NXPH1: variants seen among roughly 807,000 people sequenced by gnomAD.
The protein encoded by NXPH1 is neurexophilin 1, also known as neurexophilin-1.
Under a neutral mutation model 23.7 loss-of-function variants are expected in NXPH1, and 5 were observed. The observed-to-expected ratio is 0.21, with a 90% confidence interval of 0.11 to 0.44. The LOEUF (loss-of-function observed/expected upper bound fraction) is 0.44, where lower values mean the gene tolerates loss of function less well. Ranked by LOEUF, NXPH1 falls within the 20% of genes least tolerant of loss-of-function variation. The pLI is 0.99. For synonymous variants in NXPH1, 144 were observed against 122.2 expected (o/e 1.18, Z -1.18); for missense variants, 324 against 321.6 (o/e 1.01, Z -0.06).
In NXPH1 at chr7:8,497,897, G is replaced by T. The variant is rs186656428; in HGVS notation, c.54+62130G>T. On this transcript the variant is annotated intron_variant, in intron 2 of 2. Transcript: ENST00000405863. ...ATCCCATTTGTCAATTTTGGATTTT[G>T]TTGCCATTGCTTTGGTGTTTTAGTC... is the stretch of plus-strand genomic sequence containing the variant. Among the ~76,000 whole-genome samples the T allele has an allele frequency of 8.0e-4, 121 of 152,174 alleles. 1 individual carries two copies. Among genetic ancestry groups the T allele is most frequent in the African/African-American group, 2.6e-3 (110 of 41,552 alleles).
At chr7:8,652,621 C>T (rs1820507623) in intron 2 of NXPH1, among the ~76,000 whole-genome samples, 5 of 152,132 alleles carry the variant, frequency 3.3e-5, no homozygotes, top group Admixed American at 2.0e-4. Context: ...TGGAGTTTAG[C>T]AATAAACAAG....
intron 2 of NXPH1, among the ~76,000 whole-genome samples, chr7:8,571,881 T>TAA (rs5882176): frequency 9.9e-5 from 14 of 141,512 alleles, no homozygotes; most frequent in Non-Finnish European, 1.4e-4. Flanking sequence ...GTGGACTTGT[T>TAA]AAAAAAAAAA....
At chr7:8,704,155 A>G (rs940544118) in intron 2 of NXPH1, among the ~76,000 whole-genome samples, 2 of 152,056 alleles carry the variant, frequency 1.3e-5, no homozygotes, top group Non-Finnish European at 1.5e-5. Flanking sequence ...TAGTTTGTTT[A>G]GTATTTTAGT....
At chr7:8,639,939 T>C (rs76751381) in intron 2 of NXPH1, among the ~76,000 whole-genome samples, 7,250 of 152,300 alleles carry the variant, frequency 0.048, 380 homozygotes, top group East Asian at 0.17. Context: ...ATGTTGTTAT[T>C]AGCAGCATGA....
chr7:8,708,745 A>T (rs764050038), intron 2 of NXPH1, among the ~76,000 whole-genome samples: 37 of 152,154 alleles, frequency 2.4e-4, no homozygotes, highest in African/African-American at 6.8e-4. Context: ...TGCTATTATC[A>T]TACTATGAAG....
At chr7:8,672,094 T>C (rs1820877593) in intron 2 of NXPH1, among the ~76,000 whole-genome samples, 1 of 152,322 alleles carries the variant, frequency 6.6e-6, no homozygotes, top group East Asian at 1.9e-4. Context: ...GTAGAAGCTC[T>C]TTAGTTTAAT....
intron 2 of NXPH1, among the ~76,000 whole-genome samples, chr7:8,535,683 G>T (rs942638536): frequency 1.3e-5 from 2 of 151,866 alleles, no homozygotes; most frequent in Non-Finnish European, 2.9e-5. Flanking sequence ...ATAAAGCAAG[G>T]TAAGAAGAAA....
In NXPH1 at chr7:8,622,607, T is replaced by C. The variant is rs150616204; in HGVS notation, c.55-128401T>C. ...CGAGGGATAATTTGACAAAGTTAAG[T>C]CTCATTCAAACTGAAAGTTTGAATT... On this transcript the variant is annotated intron_variant, in intron 2 of 2. Coordinates refer to ENST00000405863, the MANE Select transcript of NXPH1 (RefSeq NM_152745.3). Among the ~76,000 whole-genome samples the C allele has an allele frequency of 7.8e-3, 1,181 of 152,298 alleles. 13 individuals are homozygous for C. Among genetic ancestry groups the C allele is most frequent in the Middle Eastern group, 0.044 (13 of 294 alleles).
At chr7:8,620,684 A>G (rs1365269538) in intron 2 of NXPH1, among the ~76,000 whole-genome samples, 2 of 152,228 alleles carry the variant, frequency 1.3e-5, no homozygotes, top group Non-Finnish European at 2.9e-5. Flanking sequence ...AAAAAGCTGA[A>G]GCTAATTCTA....
At chr7:8,532,260 G>A (rs1817958989) in intron 2 of NXPH1, among the ~76,000 whole-genome samples, 2 of 152,066 alleles carry the variant, frequency 1.3e-5, no homozygotes, top group African/African-American at 4.8e-5. Context: ...TAGCTGCAAA[G>A]CAGTATTGAT....
At chr7:8,587,453 T>C (rs1362542288) in intron 2 of NXPH1, among the ~76,000 whole-genome samples, 1 of 152,098 alleles carries the variant, frequency 6.6e-6, no homozygotes, top group African/African-American at 2.4e-5. Flanking sequence ...GCTGGGACTA[T>C]AGGTGCATGC....
chr7:8,629,042 A>G (rs1232535701), intron 2 of NXPH1, among the ~76,000 whole-genome samples: 2 of 151,592 alleles, frequency 1.3e-5, no homozygotes, highest in Non-Finnish European at 2.9e-5. Context: ...AAAGAAGGAG[A>G]AAGATAAGAA....
At position 8,751,432 on chromosome 7, in the gene NXPH1, A is replaced by C; in HGVS notation, c.479A>C (p.Gln160Pro). Residue 160 changes from glutamine to proline, a missense_variant, in exon 3 of 3, where the codon CAA becomes CCA. By Grantham distance (76) the Gln-to-Pro change is moderately conservative (BLOSUM62 -1). Coordinates refer to ENST00000405863, the MANE Select transcript of NXPH1 (RefSeq NM_152745.3). The surrounding 1 kb of genome is among the most constrained non-coding windows in gnomAD (Gnocchi z 4.5). ...SVYFRHNSTG[Q>P]GNVSVSLVPP... ...TATTTCAGGCATAATTCAACTGGTCAAGGGAATGTATCTGTCAGCTTGGTA... is the reference window on the plus strand; with the variant it reads ...TATTTCAGGCATAATTCAACTGGTCCAGGGAATGTATCTGTCAGCTTGGTA... 1 of 1,613,880 alleles carries C rather than the reference A, an allele frequency of 6.2e-7. No individual in the cohort carries two copies. Among genetic ancestry groups the C allele is most frequent in the Non-Finnish European group, 8.5e-7 (1 of 1,179,844 alleles).
At position 8,435,893 on chromosome 7, in the gene NXPH1, G is replaced by A; in HGVS notation, c.54+126G>A. On this transcript the variant is annotated intron_variant, in intron 2 of 2. Coordinates refer to ENST00000405863, the MANE Select transcript of NXPH1 (RefSeq NM_152745.3). The surrounding 1 kb of genome is among the most constrained non-coding windows in gnomAD (Gnocchi z 5.9). The stretch of plus-strand genomic sequence containing the variant: ...GAGCAGCTTCCTAGCAGCTGTGTTG[G>A]AGCAACTTTGGCAAGCTGGTCTCTG... The A allele has an allele frequency of 1.1e-6, 1 of 908,476 alleles. No individual in the cohort carries two copies. The highest frequency in any genetic ancestry group is 1.8e-6 in the Non-Finnish European group (1 of 546,780). The allele number at this position is 908,476 out of a possible 1,614,324, so 56.3% of individuals were successfully genotyped here.
chr7:8,527,162 A>C (rs1817874950), intron 2 of NXPH1, among the ~76,000 whole-genome samples: 1 of 152,158 alleles, frequency 6.6e-6, no homozygotes, highest in Non-Finnish European at 1.5e-5. Context: ...ACTGACATTG[A>C]GTAGGAGAAG....
chr7:8,450,846 T>A (rs997487855), intron 2 of NXPH1, among the ~76,000 whole-genome samples: 2 of 152,244 alleles, frequency 1.3e-5, no homozygotes, highest in Non-Finnish European at 2.9e-5. Context: ...TAGATAATAA[T>A]GTGTTCTATT....
chr7:8,465,401 A>C (rs748727472), intron 2 of NXPH1, among the ~76,000 whole-genome samples: 3 of 152,106 alleles, frequency 2.0e-5, no homozygotes, highest in Non-Finnish European at 4.4e-5. Context: ...ATTACCTTTT[A>C]TAAGGCCTCT....
At chr7:8,720,186 T>C (rs2115205912) in intron 2 of NXPH1, among the ~76,000 whole-genome samples, 1 of 152,350 alleles carries the variant, frequency 6.6e-6, no homozygotes, top group East Asian at 1.9e-4. Flanking sequence ...TTCAATGAAC[T>C]GAATCACCAA....
chr7:8,612,598 C>A (rs1394300736), intron 2 of NXPH1, among the ~76,000 whole-genome samples: 1 of 152,006 alleles, frequency 6.6e-6, no homozygotes, highest in Non-Finnish European at 1.5e-5. Flanking sequence ...CTAACATTGC[C>A]TTTTGCTTCT....
Sources: allele counts gnomAD v4.1 joint callset (sites outside exome capture counted in the v4.1 genomes callset), GRCh38; gene constraint gnomAD v4.1.1; non-coding constraint Gnocchi (gnomAD v3.1); transcripts MANE v1.5; gene names NCBI Gene and HGNC (gene_info 2026-07-23, HGNC 2026-07-21).